The following GAP43 variants were observed in gnomAD, a reference collection of about 807,000 sequenced individuals.
The protein encoded by GAP43 is growth associated protein 43.
Under a neutral mutation model 18.6 loss-of-function variants are expected in GAP43, and 6 were observed. The observed-to-expected ratio is 0.32, with a 90% CI of 0.18 to 0.64. The LOEUF is 0.64. Ranked by LOEUF, GAP43 falls within the 30% of genes least tolerant of loss-of-function variation. The pLI, the probability that GAP43 is intolerant of heterozygous loss-of-function variation, is 0.78. For missense variants in GAP43, 292 were observed against 295.5 expected, an observed-to-expected ratio of 0.99 and a Z score of 0.09; for synonymous variants, 115 against 111.4, an observed-to-expected ratio of 1.03 and a Z score of -0.20.
intron 2 of GAP43, among the ~76,000 whole-genome samples, chr3:115,690,216 A>ACCCCCCCC (rs150800461): frequency 7.3e-6 from 1 of 137,378 alleles, no homozygotes; most frequent in Non-Finnish European, 1.6e-5. Context: ...CCTAGGAGAG[A>ACCCCCCCC]CCCCCCCGCC....
intron 1 of GAP43, among the ~76,000 whole-genome samples, chr3:115,650,267 T>G (rs1325012667): frequency 1.3e-5 from 2 of 152,012 alleles, no homozygotes; most frequent in African/African-American, 2.4e-5. Flanking sequence ...TGGTAAAGAG[T>G]GCAACTCATC....
intron 1 of GAP43, among the ~76,000 whole-genome samples, chr3:115,663,105 T>C (rs1048679062): frequency 1.3e-5 from 2 of 152,184 alleles, no homozygotes; most frequent in African/African-American, 2.4e-5. Flanking sequence ...ATCAAACATA[T>C]ACATTTTCTC....
At chr3:115,698,128 T>TAAAATATATTAA (rs1279528948) in intron 2 of GAP43, among the ~76,000 whole-genome samples, 50 of 10,458 alleles carry the variant, frequency 4.8e-3, no homozygotes, top group Admixed American at 0.016. Context: ...ATATATTATA[T>TAAAATATATTAA]ATAATATATA....
intron 2 of GAP43, among the ~76,000 whole-genome samples, chr3:115,709,469 C>G (rs887166248): frequency 6.6e-6 from 1 of 152,044 alleles, no homozygotes; most frequent in Admixed American, 6.6e-5. Flanking sequence ...TGGAGTGAAA[C>G]GGGGAGATGT....
At chr3:115,719,022 C>G (rs1709544869) in intron 2 of GAP43, among the ~76,000 whole-genome samples, 1 of 152,110 alleles carries the variant, frequency 6.6e-6, no homozygotes, top group South Asian at 2.1e-4. Context: ...TACAGTAAAA[C>G]TATTTTATTT....
chr3:115,634,839 T>G (rs1039669511), intron 1 of GAP43, among the ~76,000 whole-genome samples: 4 of 152,122 alleles, frequency 2.6e-5, no homozygotes, highest in African/African-American at 7.2e-5. Context: ...GCAGTTAGAT[T>G]TATTTGTCCA....
At chr3:115,667,818 A>G (rs1449634490) in intron 1 of GAP43, among the ~76,000 whole-genome samples, 2 of 152,194 alleles carry the variant, frequency 1.3e-5, no homozygotes, top group South Asian at 2.1e-4. Flanking sequence ...GAGGCCTCAC[A>G]GTCCCTCTCA....
At chr3:115,634,491 A>G (rs1708304693) in intron 1 of GAP43, among the ~76,000 whole-genome samples, 1 of 152,116 alleles carries the variant, frequency 6.6e-6, no homozygotes, top group African/African-American at 2.4e-5. Flanking sequence ...AAAGAAAAAA[A>G]TTGACTGGAT....
At chr3:115,641,037 CTT>C (rs1161384206) in intron 1 of GAP43, among the ~76,000 whole-genome samples, 1 of 33,342 alleles carries the variant, frequency 3.0e-5, no homozygotes, top group Non-Finnish European at 6.4e-5. Flanking sequence ...TTTTTTTTTT[CTT>C]TTTTTTTTTT....
Position 115,660,373 on chromosome 3 carries a change from C to T in GAP43, c.31-15640C>T, listed in dbSNP as rs534482678. On this transcript the variant is annotated intron_variant, in intron 1 of 2. Coordinates refer to ENST00000305124, the MANE Select transcript of GAP43 (RefSeq NM_002045.4). ...AGATAACTTCTTAGATGTTTCTTTT[C>T]TAGAGAAATAGGGAAACAGAACATA... Among the ~76,000 whole-genome samples, 37 of 152,286 alleles carry T rather than the reference C, an allele frequency of 2.4e-4. 1 individual carries two copies. Among genetic ancestry groups the T allele is most frequent in the African/African-American group, 7.9e-4 (33 of 41,550 alleles).
chr3:115,626,136 G>T (rs1184559437), intron 1 of GAP43, among the ~76,000 whole-genome samples: 1 of 152,190 alleles, frequency 6.6e-6, no homozygotes, highest in Non-Finnish European at 1.5e-5. Context: ...TCTCACGCAG[G>T]TTGCCTGCTT....
At chr3:115,691,088 A>G (rs1709106030) in intron 2 of GAP43, among the ~76,000 whole-genome samples, 1 of 152,210 alleles carries the variant, frequency 6.6e-6, no homozygotes, top group Admixed American at 6.5e-5. Context: ...GAAGATGGTA[A>G]AAGCATGGAT....
chr3:115,717,265 C>T (rs2107381062), intron 2 of GAP43, among the ~76,000 whole-genome samples: 1 of 151,214 alleles, frequency 6.6e-6, no homozygotes, highest in South Asian at 2.1e-4. Flanking sequence ...ACTGGATGAT[C>T]TTAAAGGGTC....
chr3:115,635,877 A>G lies in GAP43; in HGVS notation c.30+12158A>G, dbSNP rs1178282818. Among the ~76,000 whole-genome samples the G allele has an allele frequency of 5.9e-5, 9 of 152,092 alleles. No individual in the cohort carries two copies. The East Asian group carries it at 1.7e-3, about 29-fold the overall frequency. ...ATTTTGCTGTCATGGTTGTTGCCAT[A>G]TCTTATGCTAGACCAAATCTTTCAG... On this transcript the variant is annotated intron_variant, in intron 1 of 2. Transcript: ENST00000305124.
chr3:115,699,399 T>C (rs906810626), intron 2 of GAP43, among the ~76,000 whole-genome samples: 3 of 152,146 alleles, frequency 2.0e-5, no homozygotes, highest in Non-Finnish European at 2.9e-5. Flanking sequence ...CACCCAGATC[T>C]CCTGAGAGTC....
chr3:115,721,227 C>CCT lies in GAP43; in HGVS notation c.*362_*363dup, dbSNP rs34867539. On this transcript the variant is annotated 3_prime_UTR_variant, in exon 3 of 3. Transcript: ENST00000305124. ...GTGTGGCCCTGTGGGAGTCCACTTT[C>CCT]CTCTCTCTCTCTCTCTCTGTTCCAA... The CCT allele has an allele frequency of 0.26, 39,586 of 154,660 alleles. 5,430 individuals are homozygous for CCT. Among genetic ancestry groups the CCT allele is most frequent in the East Asian group, 0.51 (2,692 of 5,244 alleles). The allele number at this position is 154,660 out of a possible 1,614,324, so 9.6% of individuals were successfully genotyped here. A position where few individuals can be genotyped will look rare whatever the true frequency, so the allele number is the denominator to read the frequency against.
chr3:115,631,353 T>C (rs1708258316), intron 1 of GAP43, among the ~76,000 whole-genome samples: 1 of 152,200 alleles, frequency 6.6e-6, no homozygotes, highest in Non-Finnish European at 1.5e-5. Context: ...TATTCATCTG[T>C]GTAGTGGGTA....
At chr3:115,659,978 AG>A (rs1708637203) in intron 1 of GAP43, among the ~76,000 whole-genome samples, 1 of 152,236 alleles carries the variant, frequency 6.6e-6, no homozygotes. Context: ...AAACTTGTGA[AG>A]GGAGACATTT....
chr3:115,701,223 A>G (rs923607699), intron 2 of GAP43, among the ~76,000 whole-genome samples: 3 of 152,112 alleles, frequency 2.0e-5, no homozygotes, highest in Non-Finnish European at 4.4e-5. Context: ...ATATGACTCT[A>G]TTCGTTCTGA....
Sources: gnomAD v4.1 joint callset for allele counts (sites outside exome capture counted in the v4.1 genomes callset) on GRCh38, gnomAD v4.1.1 for gene constraint, MANE v1.5 for transcripts, NCBI Gene and HGNC (gene_info 2026-07-23, HGNC 2026-07-21) for gene names.